Variants in VEPH1 observed in about 807,000 individuals in gnomAD.
VEPH1 encodes the protein ventricular zone-expressed PH domain-containing protein homolog 1.
Under a neutral mutation model 85.2 loss-of-function variants are expected in VEPH1, and 80 were observed. The ratio of observed to expected loss-of-function variants is 0.94; its 90% CI spans 0.78 to 1.13. VEPH1 has a LOEUF of 1.13. Among genes scored for constraint, VEPH1 ranks in the 50% most tolerant of loss-of-function variants. VEPH1 has a pLI of 0.00. For missense variants in VEPH1, 955 were observed against 980.5 expected (o/e 0.97, Z 0.35); for synonymous variants, 297 against 348.0 (o/e 0.85, Z 1.63).
At chr3:157,459,302 C>A (rs1057180253) in intron 4 of VEPH1, among the ~76,000 whole-genome samples, 5 of 152,134 alleles carry the variant, frequency 3.3e-5, no homozygotes, top group African/African-American at 9.7e-5. Flanking sequence ...GAAGCATGGA[C>A]AAAATAGCAG....
At chr3:157,351,035 G>A (rs1164856440) in intron 9 of VEPH1, among the ~76,000 whole-genome samples, 1 of 152,132 alleles carries the variant, frequency 6.6e-6, no homozygotes, top group Admixed American at 6.5e-5. Context: ...CCTAAGGAAA[G>A]GAAATTATTA....
intron 9 of VEPH1, among the ~76,000 whole-genome samples, chr3:157,354,368 T>C (rs1260284081): frequency 2.0e-5 from 3 of 152,166 alleles, no homozygotes; most frequent in Non-Finnish European, 4.4e-5. Flanking sequence ...CATCCATCCA[T>C]TGGGTGATTA....
chr3:157,265,593 A>C lies in VEPH1; in HGVS notation c.2198T>G (p.Ile733Ser). ...AAAATAGCGTGTTTTCCACCTTTTG[A>C]TGAACTTCCATCTGACTTGCTTCTC... ...LKEKQVRWKFIKRWKTRYFTL... is the reference protein window; with the variant it reads ...LKEKQVRWKFSKRWKTRYFTL... The change falls in exon 13 of 14, where the codon ATC becomes AGC. Residue 733 changes from isoleucine to serine, a missense_variant. By Grantham distance (142) the Ile-to-Ser change is moderately radical (BLOSUM62 -2). Transcript: ENST00000362010. 6.2e-7 allele frequency: 1 copy of C among 1,613,798 alleles called. No individual in the cohort carries two copies. Among genetic ancestry groups the C allele is most frequent in the South Asian group, 1.1e-5 (1 of 91,038 alleles).
At chr3:157,493,629 C>T (rs1305819903) in intron 2 of VEPH1, among the ~76,000 whole-genome samples, 2 of 152,132 alleles carry the variant, frequency 1.3e-5, no homozygotes, top group Non-Finnish European at 2.9e-5. Context: ...CTCCAGAACT[C>T]CTGGTAGAGT....
At chr3:157,286,386 A>T in intron 12 of VEPH1, 171 bp downstream of exon 12, 1 of 645,050 alleles carries the variant, frequency 1.6e-6, no homozygotes, top group Non-Finnish European at 2.8e-6. Flanking sequence ...CCTTTTTCCT[A>T]CGACCACTTT....
chr3:157,263,335 G>A (rs1360722952), intron 13 of VEPH1, among the ~76,000 whole-genome samples: 2 of 152,100 alleles, frequency 1.3e-5, no homozygotes, highest in Non-Finnish European at 2.9e-5. Flanking sequence ...TGTCAAACAA[G>A]TTACCTAATT....
chr3:157,450,559 T>G (rs770459156), intron 4 of VEPH1, among the ~76,000 whole-genome samples: 21 of 150,404 alleles, frequency 1.4e-4, no homozygotes, highest in Non-Finnish European at 2.5e-4. Flanking sequence ...TTCCACTATA[T>G]GTATATAGTG....
intron 9 of VEPH1, 151 bp downstream of exon 9, chr3:157,363,213 A>AT: frequency 1.3e-6 from 1 of 758,268 alleles, no homozygotes; most frequent in Non-Finnish European, 1.9e-6. Context: ...AAAAAAAAAA[A>AT]AAAAACTAAC....
At chr3:157,310,837 T>G (rs1720028335) in intron 11 of VEPH1, among the ~76,000 whole-genome samples, 1 of 152,156 alleles carries the variant, frequency 6.6e-6, no homozygotes, top group Non-Finnish European at 1.5e-5. Context: ...CTCCCATATT[T>G]CATTGGCTGA....
Position 157,495,272 on chromosome 3 carries a change from A to G in VEPH1, c.78T>C (p.Ser26=). Residue 26 remains serine, a synonymous_variant, in exon 2 of 14, where the codon TCT becomes TCC. Transcript: ENST00000362010. ...CTTCTGTAAGGCTGTCTTCAATCTCAGAGTCATCTAAGGAGAAGAGGTCCC... is the reference window on the plus strand; with the variant it reads ...CTTCTGTAAGGCTGTCTTCAATCTCGGAGTCATCTAAGGAGAAGAGGTCCC... The part of the protein sequence containing the change: ...RAGDLFSLDD[S]EIEDSLTEAL... 1 of 1,614,066 alleles carries G rather than the reference A, an allele frequency of 6.2e-7. No individual in the cohort carries two copies. The highest frequency in any genetic ancestry group is 8.5e-7 in the Non-Finnish European group (1 of 1,179,914).
At position 157,304,019 on chromosome 3, in the gene VEPH1, T is replaced by TATATATATATATATA. The variant is rs71872669; in HGVS notation, c.2010+9601_2010+9602insTATATATATATATAT. 9.8e-3 allele frequency among the ~76,000 whole-genome samples: 510 copies of TATATATATATATATA among 52,186 alleles called. 14 individuals carry two copies. Among genetic ancestry groups the TATATATATATATATA allele is most frequent in the Middle Eastern group, 0.021 (3 of 146 alleles). 34.2% of individuals were successfully genotyped at this position (52,186 alleles called of 152,430 possible). ...GTAGACTTAAATTTCTCATCTTATA[T>TATATATATATATATA]TTTTTATATATATATATATACACAC... On this transcript the variant is annotated intron_variant, in intron 11 of 13. Coordinates refer to ENST00000362010, the MANE Select transcript of VEPH1 (RefSeq NM_001167912.2).
At chr3:157,486,600 T>C (rs533903084) in intron 2 of VEPH1, among the ~76,000 whole-genome samples, 1 of 152,276 alleles carries the variant, frequency 6.6e-6, no homozygotes, top group South Asian at 2.1e-4. Context: ...TTGGTAAAGT[T>C]ACATTATTAG....
chr3:157,452,086 A>G (rs1296927110), intron 4 of VEPH1, among the ~76,000 whole-genome samples: 1 of 152,180 alleles, frequency 6.6e-6, no homozygotes, highest in Non-Finnish European at 1.5e-5. Flanking sequence ...GATTGACAAA[A>G]AACTGAATTT....
chr3:157,377,013 A>G (rs1728199179), intron 7 of VEPH1, among the ~76,000 whole-genome samples: 5 of 152,204 alleles, frequency 3.3e-5, no homozygotes, highest in Admixed American at 1.3e-4. Context: ...AATGGTCACA[A>G]TGAAGGGTAT....
intron 4 of VEPH1, among the ~76,000 whole-genome samples, chr3:157,444,732 T>C (rs964001648): frequency 6.6e-6 from 1 of 152,234 alleles, no homozygotes; most frequent in Non-Finnish European, 1.5e-5. Context: ...CAGGCCGAGA[T>C]AAATGCAAAC....
chr3:157,310,728 T>C (rs189878151), intron 11 of VEPH1, among the ~76,000 whole-genome samples: 1 of 152,334 alleles, frequency 6.6e-6, no homozygotes, highest in African/African-American at 2.4e-5. Context: ...TTTCAACTTT[T>C]GCTCCTACAA....
intron 6 of VEPH1, among the ~76,000 whole-genome samples, chr3:157,402,121 T>C (rs2108979609): frequency 6.6e-6 from 1 of 152,322 alleles, no homozygotes; most frequent in South Asian, 2.1e-4. Context: ...ATGTACATTG[T>C]ATGGGATGCT....
Position 157,305,622 on chromosome 3 carries a change from A to G in VEPH1, c.2010+7999T>C, listed in dbSNP as rs1577296532. ...AGAACAGATTCTTAGAAGTGGAATC[A>G]CTGTGTGAAAGGATATGAATATTTT... On this transcript the variant is annotated intron_variant, in intron 11 of 13. Transcript: ENST00000362010. Among the ~76,000 whole-genome samples, 4 of 152,340 alleles carry G rather than the reference A, an allele frequency of 2.6e-5. No homozygotes were observed. In the South Asian group the frequency reaches 8.3e-4, roughly 32 times the overall value.
intron 9 of VEPH1, among the ~76,000 whole-genome samples, chr3:157,318,754 C>T (rs73018211): frequency 2.2e-4 from 33 of 151,208 alleles, no homozygotes; most frequent in Admixed American, 2.0e-3. Flanking sequence ...AGTTGAAAGT[C>T]GATGAGAAAA....
Sources: allele counts gnomAD v4.1 joint callset (sites outside exome capture counted in the v4.1 genomes callset), GRCh38; gene constraint gnomAD v4.1.1; transcripts MANE v1.5; gene names NCBI Gene and HGNC (gene_info 2026-07-23, HGNC 2026-07-21).